Variants in IL2RB observed in about 807,000 individuals in gnomAD.
IL2RB encodes the protein interleukin 2 receptor subunit beta.
A neutral mutation model predicts 44.2 loss-of-function variants in IL2RB; 17 were observed. The observed-to-expected ratio is 0.38, with a 90% CI of 0.26 to 0.58. The LOEUF is 0.58. Among genes scored for constraint, IL2RB ranks in the 20% least tolerant of loss-of-function variants. IL2RB has a pLI of 0.63. For synonymous variants in IL2RB, 286 were observed against 297.9 expected (o/e 0.96, Z 0.41); for missense variants, 624 against 685.5 (o/e 0.91, Z 1.00).
Position 37,137,360 on chromosome 22 carries a change from G to T in IL2RB, c.537+227C>A, listed in dbSNP as rs368111257. On this transcript the variant is annotated intron_variant, in intron 6 of 9. Coordinates refer to ENST00000216223, the MANE Select transcript of IL2RB (RefSeq NM_000878.5). Reference sequence around the variant, plus strand: ...TCCTGGCTTTCTGAATCTTTCCCTGGTGTCAGCCTGGAACCTGCTGCCAGC... The same window carrying T: ...TCCTGGCTTTCTGAATCTTTCCCTGTTGTCAGCCTGGAACCTGCTGCCAGC... Among the ~76,000 whole-genome samples the T allele has an allele frequency of 7.9e-5, 12 of 152,324 alleles. No homozygotes were observed. In the East Asian group the frequency reaches 2.3e-3, roughly 29 times the overall value.
rs368382925 is a variant in IL2RB at position 37,149,842 on chromosome 22, C to T, written c.-51G>A. 16 of 985,436 alleles carry T rather than the reference C, an allele frequency of 1.6e-5. No individual in the cohort carries two copies. The highest frequency in any genetic ancestry group is 5.2e-5 in the African/African-American group (3 of 57,172). The allele number at this position is 985,436 out of a possible 1,614,324, so 61.0% of individuals were successfully genotyped here. A position where few individuals can be genotyped will look rare whatever the true frequency, so the allele number is the denominator to read the frequency against. On this transcript the variant is annotated 5_prime_UTR_variant, in exon 1 of 10. Coordinates refer to ENST00000216223, the MANE Select transcript of IL2RB (RefSeq NM_000878.5). ...GACATCACCTGGCTGAGACATGGGG[C>T]GGTGGCAGCGCGCGCTCTCCAGTCC...
At position 37,128,744 on chromosome 22, in the gene IL2RB, C is replaced by G. The variant is rs1313437967; in HGVS notation, c.1008G>C (p.Leu336=). 3.1e-6 allele frequency: 5 copies of G among 1,614,010 alleles called. No individual in the cohort carries two copies. The highest frequency in any genetic ancestry group is 2.5e-6 in the Non-Finnish European group (3 of 1,179,990). The part of the protein sequence containing the change: ...EVLERDKVTQ[L]LLQQDKVPEP... ...CAGGCACCTTGTCCTGCTGCAGGAGCAGCTGCGTCACCTTGTCCCTCTCCA... is the reference window on the plus strand; with the variant it reads ...CAGGCACCTTGTCCTGCTGCAGGAGGAGCTGCGTCACCTTGTCCCTCTCCA... Residue 336 remains leucine, a synonymous_variant, in exon 10 of 10, where the codon CTG becomes CTC. Coordinates refer to ENST00000216223, the MANE Select transcript of IL2RB (RefSeq NM_000878.5). The surrounding 1 kb of genome is among the most constrained non-coding windows in gnomAD (Gnocchi z 4.5).
upstream of IL2RB, among the ~76,000 whole-genome samples, chr22:37,152,017 C>T (rs1922508928): frequency 6.6e-6 from 1 of 152,140 alleles, no homozygotes; most frequent in South Asian, 2.1e-4. Flanking sequence ...TGTCCAGTTT[C>T]ACTCTTTTTG....
intron 1 of IL2RB, among the ~76,000 whole-genome samples, chr22:37,166,474 G>A (rs1288730100): frequency 2.6e-5 from 4 of 152,168 alleles, no homozygotes; most frequent in Admixed American, 6.5e-5. Context: ...CCCCTGCTCC[G>A]TTCCCGCGGT....
intron 4 of IL2RB, among the ~76,000 whole-genome samples, chr22:37,142,124 C>T (rs1016178968): frequency 6.6e-6 from 1 of 152,170 alleles, no homozygotes; most frequent in Non-Finnish European, 1.5e-5. Flanking sequence ...TACTGGAGTG[C>T]TGTCTTACTT....
chr22:37,154,514 TA>T (rs937120994), upstream of IL2RB, among the ~76,000 whole-genome samples: 22 of 151,458 alleles, frequency 1.5e-4, no homozygotes, highest in African/African-American at 4.8e-4. Flanking sequence ...CTTCTAGGCC[TA>T]AAAAAAATCT....
intron 6 of IL2RB, among the ~76,000 whole-genome samples, chr22:37,136,969 G>T (rs1359736934): frequency 2.6e-5 from 4 of 152,218 alleles, no homozygotes; most frequent in Admixed American, 2.6e-4. Flanking sequence ...AGTAGCCTGT[G>T]CCAGTCACTG....
At chr22:37,137,055 C>T (rs867968306) in intron 6 of IL2RB, among the ~76,000 whole-genome samples, 24 of 152,190 alleles carry the variant, frequency 1.6e-4, no homozygotes, top group Non-Finnish European at 2.2e-4. Flanking sequence ...CAGACCCTGT[C>T]GCTACATCTG....
intron 1 of IL2RB, among the ~76,000 whole-genome samples, chr22:37,155,216 G>C (rs1345492981): frequency 1.3e-5 from 2 of 152,096 alleles, no homozygotes; most frequent in Non-Finnish European, 2.9e-5. Flanking sequence ...CCCCTGCCCT[G>C]CTCAGAGCCG....
In IL2RB at chr22:37,142,737, G is replaced by A. The variant is rs892894261; in HGVS notation, c.204-225C>T. The A allele has an allele frequency of 1.7e-5, 12 of 689,076 alleles. 1 individual carries two copies. The highest frequency in any genetic ancestry group is 6.3e-5 in the South Asian group (4 of 63,628). The allele number at this position is 689,076 out of a possible 1,614,324, so 42.7% of individuals were successfully genotyped here. A position where few individuals can be genotyped will look rare whatever the true frequency, so the allele number is the denominator to read the frequency against. ...CTCCCTCATCCCAGCCTGGTCCCAC[G>A]GCAGCTGGAGTGATCTAGAAACACA... On this transcript the variant is annotated intron_variant, in intron 3 of 9. Transcript: ENST00000216223.
intron 1 of IL2RB, among the ~76,000 whole-genome samples, chr22:37,158,361 A>G (rs921217951): frequency 1.3e-5 from 2 of 152,176 alleles, no homozygotes; most frequent in Non-Finnish European, 2.9e-5. Flanking sequence ...CAGCCTGGCC[A>G]ACATGGCAAA....
chr22:37,167,496 G>A (rs560716376), intron 1 of IL2RB, among the ~76,000 whole-genome samples: 18 of 152,324 alleles, frequency 1.2e-4, no homozygotes, highest in Admixed American at 1.3e-4. Context: ...CCAGGCCTGC[G>A]GCCTCTCTGG....
chr22:37,148,615 G>T (rs1922341375), intron 1 of IL2RB, among the ~76,000 whole-genome samples: 1 of 152,294 alleles, frequency 6.6e-6, no homozygotes, highest in Non-Finnish European at 1.5e-5. Flanking sequence ...TGGGGACAGG[G>T]ACTGGTGCCT....
intron 8 of IL2RB, 50 bp from the exon 9 acceptor site, chr22:37,132,518 C>T (rs1484409464): frequency 9.3e-6 from 13 of 1,398,872 alleles, no homozygotes; most frequent in Non-Finnish European, 1.3e-5. Flanking sequence ...GGAAGGACCG[C>T]GGTGTTATGC....
At position 37,142,376 on chromosome 22, in the gene IL2RB, A is replaced by G. The variant is rs1373179178; in HGVS notation, c.282+58T>C. 2.0e-6 allele frequency: 3 copies of G among 1,504,664 alleles called. No individual in the cohort carries two copies. In the African/African-American group the frequency reaches 4.1e-5, roughly 21 times the overall value. 93.2% of individuals were successfully genotyped at this position (1,504,664 alleles called of 1,614,324 possible). ...GGCATCCGGCCCACCCTGAGATCGC[A>G]GCCCGGAGCTGGGAGACCACCCTCT... On this transcript the variant is annotated intron_variant, in intron 4 of 9. Transcript: ENST00000216223.
At chr22:37,169,485 G>A (rs1026595058) in intron 1 of IL2RB, among the ~76,000 whole-genome samples, 2 of 152,168 alleles carry the variant, frequency 1.3e-5, no homozygotes, top group African/African-American at 4.8e-5. Flanking sequence ...TGCATCCAGA[G>A]CATCCTTGCA....
chr22:37,157,316 C>A (rs535046122), intron 1 of IL2RB, among the ~76,000 whole-genome samples: 2 of 152,164 alleles, frequency 1.3e-5, no homozygotes, highest in Non-Finnish European at 2.9e-5. Context: ...TGACTCCTTC[C>A]CTCCCTCACC....
intron 1 of IL2RB, among the ~76,000 whole-genome samples, chr22:37,156,903 C>G (rs900988642): frequency 2.6e-5 from 4 of 152,204 alleles, no homozygotes; most frequent in Non-Finnish European, 4.4e-5. Context: ...CCCTCAAGTC[C>G]TTGTGTTCCG....
chr22:37,148,427 T>C (rs955461027), intron 1 of IL2RB, among the ~76,000 whole-genome samples: 11 of 152,080 alleles, frequency 7.2e-5, no homozygotes, highest in Non-Finnish European at 1.5e-4. Flanking sequence ...CCCTCCTGGG[T>C]CCTCAGGCAC....
Sources: allele counts gnomAD v4.1 joint callset (sites outside exome capture counted in the v4.1 genomes callset), GRCh38; gene constraint gnomAD v4.1.1; non-coding constraint Gnocchi (gnomAD v3.1); transcripts MANE v1.5; gene names NCBI Gene and HGNC (gene_info 2026-07-23, HGNC 2026-07-21).